The following ZNF730 variants were observed in gnomAD, a reference collection of about 807,000 sequenced individuals.
ZNF730 encodes the protein zinc finger protein 730, also known as putative zinc finger protein 730.
In ZNF730, 12 loss-of-function variants were observed where a neutral mutation model predicts 12.6. The ratio of observed to expected loss-of-function variants is 0.95; its 90% confidence interval spans 0.61 to 1.54. The LOEUF is 1.54. Among genes scored for constraint, ZNF730 ranks in the 40% most tolerant of loss-of-function variants. ZNF730 has a pLI of 0.00. For synonymous variants in ZNF730, 194 were observed against 195.8 expected (o/e 0.99, Z 0.08); for missense variants, 643 against 583.5 (o/e 1.10, Z -1.05).
At chr19:23,133,958 A>G (rs1970781525) in intron 1 of ZNF730, 122 bp from the exon 2 acceptor site, 16 of 1,143,568 alleles carry the variant, frequency 1.4e-5, no homozygotes, top group Non-Finnish European at 1.8e-5. Context: ...AGGTTATTAG[A>G]TAATTTCAGT....
At position 23,133,524 on chromosome 19, in the gene ZNF730, T is replaced by C. The variant is rs140318760; in HGVS notation, c.4-556T>C. 2.5e-4 allele frequency among the ~76,000 whole-genome samples: 38 copies of C among 152,302 alleles called. No homozygotes were observed. The East Asian group carries it at 6.8e-3, about 27-fold the overall frequency. ...TGGCCAGCTAATTTTGTGTTTTTAGTAGAGATGGGATTTCTCTGTGTTGGT... is the reference window on the plus strand; with the variant it reads ...TGGCCAGCTAATTTTGTGTTTTTAGCAGAGATGGGATTTCTCTGTGTTGGT... On this transcript the variant is annotated intron_variant, in intron 1 of 3. Transcript: ENST00000597761.
At chr19:23,112,647 C>T (rs141244505), upstream of ZNF730, among the ~76,000 whole-genome samples, 10 of 151,800 alleles carry the variant, frequency 6.6e-5, no homozygotes, top group East Asian at 1.9e-3. Flanking sequence ...CGCTTAAACC[C>T]GGGAGGTGGA....
intron 1 of ZNF730, among the ~76,000 whole-genome samples, chr19:23,131,956 G>C (rs910322605): frequency 8.6e-5 from 13 of 151,732 alleles, no homozygotes; most frequent in African/African-American, 2.9e-4. Context: ...TGCACTAAAG[G>C]GTGGTCCCAG....
Position 23,091,192 on chromosome 19 carries a change from T to C in ZNF730, c.-94+15805T>C, listed in dbSNP as rs565405111. 1.7e-3 allele frequency among the ~76,000 whole-genome samples: 263 copies of C among 152,202 alleles called. 3 individuals are homozygous for C. The Middle Eastern group carries it at 0.034, about 20-fold the overall frequency. On this transcript the variant is annotated intron_variant, in intron 1 of 2. Transcript: ENST00000593635. Reference sequence around the variant, plus strand: ...AAGCCTTGGTAGCTTCCATGTGGTGTTGAGGCTGTGGGTGCACAGAAGTCA... The same window carrying C: ...AAGCCTTGGTAGCTTCCATGTGGTGCTGAGGCTGTGGGTGCACAGAAGTCA...
chr19:23,130,901 C>A (rs1036114905), intron 1 of ZNF730, among the ~76,000 whole-genome samples: 1 of 152,164 alleles, frequency 6.6e-6, no homozygotes. Flanking sequence ...TTAAGTCTGG[C>A]CCTACCCTGG....
intron 1 of ZNF730, among the ~76,000 whole-genome samples, chr19:23,103,300 T>C (rs1400980659): frequency 6.6e-6 from 1 of 152,212 alleles, no homozygotes; most frequent in Non-Finnish European, 1.5e-5. Flanking sequence ...ATTCCATGTG[T>C]GGTTATATTG....
intron 3 of ZNF730, among the ~76,000 whole-genome samples, chr19:23,139,912 CAG>C (rs762447902): frequency 1.6e-4 from 24 of 152,134 alleles, no homozygotes; most frequent in Middle Eastern, 6.8e-3. Context: ...AGTTCCATAT[CAG>C]TGTGTTTTTT....
At chr19:23,106,075 T>C (rs936905079) in intron 1 of ZNF730, among the ~76,000 whole-genome samples, 1 of 149,700 alleles carries the variant, frequency 6.7e-6, no homozygotes, top group Non-Finnish European at 1.5e-5. Flanking sequence ...GGTGAGAGAG[T>C]TGTTTGAGTC....
chr19:23,079,506 C>T (rs74816038), intron 1 of ZNF730, among the ~76,000 whole-genome samples: 1 of 152,196 alleles, frequency 6.6e-6, no homozygotes, highest in African/African-American at 2.4e-5. Flanking sequence ...ATCTTAAATT[C>T]ACAATCTACT....
chr19:23,146,507 C>T lies in ZNF730; in HGVS notation c.1463C>T (p.Ala488Val). 2 of 1,591,486 alleles carry T rather than the reference C, an allele frequency of 1.3e-6. No individual in the cohort carries two copies. The highest frequency in any genetic ancestry group is 1.7e-6 in the Non-Finnish European group (2 of 1,171,014). ...TACAAATGTAAAGAATGTGGTAAAG[C>T]CTTTAGGCGGTTCTCACACCTTACT... is the stretch of plus-strand genomic sequence containing the variant. ...KIYKCKECGK[A>V]FRRFSHLTRH... is the part of the protein sequence containing the mutation. Residue 488 changes from alanine to valine, a missense_variant, in exon 4 of 4, where the codon GCC becomes GTC. Coordinates refer to ENST00000597761, the MANE Select transcript of ZNF730 (RefSeq NM_001277403.2).
At position 23,128,255 on chromosome 19, in the gene ZNF730, A is replaced by G. The variant is rs78739639; in HGVS notation, c.4-5825A>G. 9.1e-5 allele frequency: 65 copies of G among 712,928 alleles called. No homozygotes were observed. The African/African-American group carries it at 9.3e-4, about 10-fold the overall frequency. 44.2% of individuals were successfully genotyped at this position (712,928 alleles called of 1,614,324 possible). A position where few individuals can be genotyped will look rare whatever the true frequency, so the allele number is the denominator to read the frequency against. On this transcript the variant is annotated intron_variant, in intron 1 of 3. Coordinates refer to ENST00000597761, the MANE Select transcript of ZNF730 (RefSeq NM_001277403.2). ...AAGGACTTTAATGCAGCAGTACACC[A>G]GAAGTACATCATAGGCCAGAATGTT... is the stretch of plus-strand genomic sequence containing the variant.
At chr19:23,088,714 C>T (rs529562254) in intron 1 of ZNF730, among the ~76,000 whole-genome samples, 2 of 152,188 alleles carry the variant, frequency 1.3e-5, no homozygotes, top group South Asian at 4.1e-4. Flanking sequence ...ATCTGCCTAC[C>T]TCAGCTTCCC....
chr19:23,081,710 C>T (rs1394897342), intron 1 of ZNF730, among the ~76,000 whole-genome samples: 1 of 152,264 alleles, frequency 6.6e-6, no homozygotes, highest in East Asian at 1.9e-4. Flanking sequence ...CCACCTCGGC[C>T]TCCCAAAGTG....
intron 3 of ZNF730, among the ~76,000 whole-genome samples, chr19:23,137,027 G>A (rs540055341): frequency 5.2e-4 from 79 of 152,152 alleles, no homozygotes; most frequent in Middle Eastern, 3.4e-3. Context: ...AAAATTAGCC[G>A]GACGTGGTGG....
chr19:23,111,417 G>C (rs1970459666), intron 1 of ZNF730, among the ~76,000 whole-genome samples: 1 of 152,100 alleles, frequency 6.6e-6, no homozygotes, highest in Non-Finnish European at 1.5e-5. Context: ...CAGTGATAAA[G>C]ATACTTATTT....
intron 1 of ZNF730, among the ~76,000 whole-genome samples, chr19:23,104,370 CAA>C (rs1213081440): frequency 4.1e-5 from 6 of 148,126 alleles, no homozygotes; most frequent in African/African-American, 1.2e-4. Flanking sequence ...TCAAGCAAAA[CAA>C]GAGTTAAGTA....
intron 1 of ZNF730, among the ~76,000 whole-genome samples, chr19:23,079,294 A>G (rs1969923194): frequency 6.6e-6 from 1 of 152,056 alleles, no homozygotes. Context: ...AGTAGCTAGG[A>G]TTACAGGCAT....
intron 3 of ZNF730, chr19:23,144,220 TTTAA>T (rs1284328863): frequency 6.6e-6 from 1 of 152,150 alleles, no homozygotes; most frequent in Non-Finnish European, 1.5e-5. Flanking sequence ...TATTGTAATC[TTTAA>T]TTGAGATTTG....
intron 1 of ZNF730, among the ~76,000 whole-genome samples, chr19:23,079,204 G>A (rs1452910796): frequency 6.6e-6 from 1 of 151,540 alleles, no homozygotes; most frequent in Non-Finnish European, 1.5e-5. Flanking sequence ...GTTGCCCAGG[G>A]TAGAGCGCAG....
Sources: gnomAD v4.1 joint callset for allele counts (sites outside exome capture counted in the v4.1 genomes callset) on GRCh38, gnomAD v4.1.1 for gene constraint, MANE v1.5 for transcripts, NCBI Gene and HGNC (gene_info 2026-07-23, HGNC 2026-07-21) for gene names.